CSMD1: variants seen among roughly 807,000 people sequenced by gnomAD.
CSMD1 encodes CUB and sushi domain-containing protein 1.
Under a neutral mutation model 417.5 loss-of-function variants are expected in CSMD1, and 213 were observed. The ratio of observed to expected loss-of-function variants is 0.51; its 90% CI spans 0.46 to 0.57. The LOEUF (loss-of-function observed/expected upper bound fraction) is 0.57, where lower values mean the gene tolerates loss of function less well. Ranked by LOEUF, CSMD1 falls within the 20% of genes least tolerant of loss-of-function variation. The pLI, the probability that CSMD1 is intolerant of heterozygous loss-of-function variation, is 0.00. For synonymous variants in CSMD1, 2,862 were observed against 1,736.8 expected (o/e 1.65, Z -16.11); for missense variants, 6,923 against 4,529.7 (o/e 1.53, Z -15.17).
chr8:3,752,513 G>C (rs932358927), intron 6 of CSMD1, among the ~76,000 whole-genome samples: 1 of 151,646 alleles, frequency 6.6e-6, no homozygotes, highest in African/African-American at 2.4e-5. Flanking sequence ...AATTAGCCGG[G>C]TGTGGTGGTC....
intron 11 of CSMD1, among the ~76,000 whole-genome samples, chr8:3,493,273 G>A (rs1192310026): frequency 1.5e-5 from 2 of 131,274 alleles, no homozygotes; most frequent in Non-Finnish European, 3.1e-5. Context: ...CAGCCTGGGT[G>A]ATAGAGTAAG....
At chr8:4,408,892 G>C (rs566463633) in intron 3 of CSMD1, among the ~76,000 whole-genome samples, 22 of 152,266 alleles carry the variant, frequency 1.4e-4, no homozygotes, top group African/African-American at 4.8e-4. Context: ...TTGTTTGATA[G>C]TAAACCATCA....
chr8:4,361,383 A>C (rs560421486), intron 3 of CSMD1, among the ~76,000 whole-genome samples: 2 of 127,800 alleles, frequency 1.6e-5, no homozygotes, highest in East Asian at 4.2e-4. Context: ...ATGTAGCCTC[A>C]TGAAGGGCTA....
chr8:4,748,138 C>G (rs1463489956), intron 1 of CSMD1, among the ~76,000 whole-genome samples: 1 of 152,180 alleles, frequency 6.6e-6, no homozygotes, highest in Non-Finnish European at 1.5e-5. Flanking sequence ...TACCAACCAA[C>G]TCACAGAGAA....
intron 3 of CSMD1, among the ~76,000 whole-genome samples, chr8:4,119,486 C>G (rs527504897): frequency 6.6e-6 from 1 of 152,168 alleles, no homozygotes; most frequent in Non-Finnish European, 1.5e-5. Context: ...TGGTTAAACT[C>G]GTAATCCTCA....
At chr8:4,279,730 A>G (rs952085261) in intron 3 of CSMD1, among the ~76,000 whole-genome samples, 28 of 152,174 alleles carry the variant, frequency 1.8e-4, no homozygotes, top group African/African-American at 5.8e-4. Context: ...GCAATTTTCA[A>G]TGCAGCATTT....
At chr8:4,383,804 A>G (rs985980144) in intron 3 of CSMD1, among the ~76,000 whole-genome samples, 22 of 152,336 alleles carry the variant, frequency 1.4e-4, no homozygotes, top group African/African-American at 5.3e-4. Flanking sequence ...CTACATATAT[A>G]ATACCAAATT....
At chr8:3,624,179 G>C (rs905812889) in intron 7 of CSMD1, among the ~76,000 whole-genome samples, 1 of 152,048 alleles carries the variant, frequency 6.6e-6, no homozygotes, top group Non-Finnish European at 1.5e-5. Context: ...AAAATGAAGA[G>C]GTGTTTTCAT....
chr8:4,191,525 A>C (rs4415339), intron 3 of CSMD1, among the ~76,000 whole-genome samples: 115,172 of 152,116 alleles, frequency 0.76, 44,465 homozygotes, highest in South Asian at 0.9. Context: ...GAGGTCACTA[A>C]AACATGTGTC....
At chr8:3,584,407 C>T (rs1462506348) in intron 9 of CSMD1, among the ~76,000 whole-genome samples, 1 of 152,176 alleles carries the variant, frequency 6.6e-6, no homozygotes, top group Non-Finnish European at 1.5e-5. Flanking sequence ...TTGACGAGAA[C>T]AGGAAACCAC....
At chr8:4,259,014 T>C (rs1392727208) in intron 3 of CSMD1, among the ~76,000 whole-genome samples, 2 of 152,234 alleles carry the variant, frequency 1.3e-5, no homozygotes, top group Non-Finnish European at 2.9e-5. Context: ...GAGACGTTTG[T>C]TGGAAATGTT....
At chr8:4,016,205 A>C (rs927908263) in intron 4 of CSMD1, among the ~76,000 whole-genome samples, 9 of 152,182 alleles carry the variant, frequency 5.9e-5, no homozygotes, top group African/African-American at 2.2e-4. Context: ...GTTTAGTCTA[A>C]GTAAAATATT....
chr8:4,234,927 C>A (rs981422622), intron 3 of CSMD1, among the ~76,000 whole-genome samples: 3 of 152,164 alleles, frequency 2.0e-5, no homozygotes, highest in African/African-American at 7.2e-5. Context: ...TCTGTTGTAA[C>A]TGATGTGCTA....
rs556795073 is a variant in CSMD1 at position 3,461,168 on chromosome 8, G to A, written c.1561+7544C>T. Among the ~76,000 whole-genome samples the A allele has an allele frequency of 3.3e-4, 51 of 152,292 alleles. 2 individuals carry two copies. The South Asian group carries it at 9.1e-3, about 27-fold the overall frequency. On this transcript the variant is annotated intron_variant, in intron 12 of 69. Transcript: ENST00000635120. ...AGGCTGCTAGAGAGGGCTCATAGCT[G>A]CACACCTCTCAGGGAAGTGCTCAAA...
intron 23 of CSMD1, among the ~76,000 whole-genome samples, chr8:3,311,549 G>A (rs959765080): frequency 2.0e-5 from 3 of 152,076 alleles, no homozygotes; most frequent in African/African-American, 7.3e-5. Flanking sequence ...ATCAGCTAGA[G>A]AGTCAACACT....
In CSMD1 at chr8:3,366,461, A is replaced by G. The variant is rs532325708; in HGVS notation, c.3115+571T>C. Among the ~76,000 whole-genome samples the G allele has an allele frequency of 2.4e-4, 37 of 152,364 alleles. 1 individual carries two copies. The highest frequency in any genetic ancestry group is 6.8e-3 in the Middle Eastern group (2 of 294). On this transcript the variant is annotated intron_variant, in intron 20 of 69. Transcript: ENST00000635120. ...CCATACAAATAATTTCTGCTGTAAC[A>G]TAAACCTTATGCAAATATTATCTAT... is the stretch of plus-strand genomic sequence containing the variant.
At position 3,378,045 on chromosome 8, in the gene CSMD1, T is replaced by C. The variant is rs1437282781; in HGVS notation, c.2783-8675A>G. On this transcript the variant is annotated intron_variant, in intron 18 of 69. Coordinates refer to ENST00000635120, the MANE Select transcript of CSMD1 (RefSeq NM_033225.6). ...GTGACCTGGTCTTGGAGGTTGAAAA[T>C]GATTTAAATAATGCAACATGTAAGG... 2.6e-5 allele frequency among the ~76,000 whole-genome samples: 4 copies of C among 152,164 alleles called. No homozygotes were observed. The East Asian group carries it at 7.7e-4, about 29-fold the overall frequency.
chr8:4,164,852 G>C (rs762372461), intron 3 of CSMD1, among the ~76,000 whole-genome samples: 1 of 147,246 alleles, frequency 6.8e-6, no homozygotes, highest in South Asian at 2.2e-4. Context: ...CTCCAAGCCT[G>C]AGCAACAGAG....
chr8:4,628,341 CAT>C (rs1046849054), intron 2 of CSMD1, among the ~76,000 whole-genome samples: 7 of 149,770 alleles, frequency 4.7e-5, no homozygotes, highest in Non-Finnish European at 8.9e-5. Context: ...ATTTTTCACT[CAT>C]ATATATATAC....
Sources: gnomAD v4.1 joint callset for allele counts (sites outside exome capture counted in the v4.1 genomes callset) on GRCh38, gnomAD v4.1.1 for gene constraint, MANE v1.5 for transcripts, NCBI Gene and HGNC (gene_info 2026-07-23, HGNC 2026-07-21) for gene names.